The following LRMDA variants were observed in gnomAD, a reference collection of about 807,000 sequenced individuals.
LRMDA encodes the protein leucine-rich melanocyte differentiation-associated protein.
Under a neutral mutation model 29.8 loss-of-function variants are expected in LRMDA, and 18 were observed. That is an observed-to-expected ratio of 0.60 (90% confidence interval 0.42 to 0.90). The LOEUF is 0.90. Among genes scored for constraint, LRMDA ranks in the 40% least tolerant of loss-of-function variants. LRMDA has a pLI of 0.00. For missense variants in LRMDA, 273 were observed against 273.9 expected (o/e 1.00, Z 0.02); for synonymous variants, 125 against 109.4 (o/e 1.14, Z -0.89).
chr10:75,526,011 CT>C (rs1210995614), intron 2 of LRMDA, among the ~76,000 whole-genome samples: 8 of 151,692 alleles, frequency 5.3e-5, no homozygotes, highest in South Asian at 4.2e-4. Context: ...TCTATCACCC[CT>C]GGTAAATATT....
intron 6 of LRMDA, among the ~76,000 whole-genome samples, chr10:76,548,427 C>T (rs1589233417): frequency 6.9e-6 from 1 of 145,822 alleles, no homozygotes; most frequent in African/African-American, 2.6e-5. Context: ...AAAACTGTTT[C>T]AGGCTTCATC....
intron 5 of LRMDA, among the ~76,000 whole-genome samples, chr10:76,128,776 C>A (rs561800063): frequency 6.6e-6 from 1 of 152,288 alleles, no homozygotes; most frequent in African/African-American, 2.4e-5. Flanking sequence ...TGACACAATT[C>A]CCCACTGTCT....
At chr10:75,867,413 G>C (rs544481479) in intron 2 of LRMDA, among the ~76,000 whole-genome samples, 1 of 152,156 alleles carries the variant, frequency 6.6e-6, no homozygotes, top group East Asian at 1.9e-4. Context: ...TGCCCGCCTC[G>C]GCCTCCCAAA....
intron 5 of LRMDA, among the ~76,000 whole-genome samples, chr10:76,191,983 C>T (rs1851255422): frequency 6.6e-6 from 1 of 152,124 alleles, no homozygotes; most frequent in African/African-American, 2.4e-5. Flanking sequence ...GCCAAGACAG[C>T]AGAATAACAA....
At chr10:76,516,343 ATTATT>A (rs1843061133) in intron 6 of LRMDA, among the ~76,000 whole-genome samples, 1 of 127,436 alleles carries the variant, frequency 7.8e-6, no homozygotes, top group African/African-American at 2.6e-5. Flanking sequence ...TTTTTTTAAA[ATTATT>A]TTATTATTAT....
intron 5 of LRMDA, among the ~76,000 whole-genome samples, chr10:76,115,601 G>T (rs1282212366): frequency 6.6e-6 from 1 of 152,204 alleles, no homozygotes; most frequent in Non-Finnish European, 1.5e-5. Context: ...AAGTTTGAGT[G>T]AGCCCAGGAT....
intron 6 of LRMDA, among the ~76,000 whole-genome samples, chr10:76,419,866 T>G (rs1842055348): frequency 6.6e-6 from 1 of 152,110 alleles, no homozygotes. Context: ...CCCAGTCTTT[T>G]AAACATTAAA....
intron 5 of LRMDA, among the ~76,000 whole-genome samples, chr10:76,315,966 A>G (rs971135028): frequency 6.6e-6 from 1 of 152,140 alleles, no homozygotes; most frequent in Admixed American, 6.5e-5. Context: ...TCTGAGAGCT[A>G]TTCTGTTGCT....
intron 6 of LRMDA, among the ~76,000 whole-genome samples, chr10:76,363,184 G>GAA (rs1564520684): frequency 6.5e-4 from 10 of 15,302 alleles, no homozygotes; most frequent in African/African-American, 3.1e-3. Flanking sequence ...AAAGGAGGGA[G>GAA]GGAGGGAGGG....
chr10:76,254,340 C>CTATACTATCCT, intron 5 of LRMDA, among the ~76,000 whole-genome samples: 1 of 90,148 alleles, frequency 1.1e-5, no homozygotes, highest in African/African-American at 3.4e-5. Context: ...CATACCATAC[C>CTATACTATCCT]ATCCTATCCT....
chr10:75,482,081 C>T (rs1056863358), intron 2 of LRMDA, among the ~76,000 whole-genome samples: 9 of 152,326 alleles, frequency 5.9e-5, no homozygotes, highest in Admixed American at 3.9e-4. Flanking sequence ...CTCCCTGTAT[C>T]TGTGCCCTTT....
chr10:75,799,643 TA>T (rs553425597), intron 2 of LRMDA, among the ~76,000 whole-genome samples: 45 of 151,750 alleles, frequency 3.0e-4, no homozygotes, highest in African/African-American at 1.1e-3. Flanking sequence ...GCCTCCCAAG[TA>T]GCTGAGATCA....
intron 5 of LRMDA, among the ~76,000 whole-genome samples, chr10:76,106,260 C>T (rs1034172819): frequency 6.6e-6 from 1 of 152,184 alleles, no homozygotes; most frequent in African/African-American, 2.4e-5. Flanking sequence ...AAGCAGTGTT[C>T]CAGTTTGGGG....
At chr10:76,227,130 GT>G (rs1170794581) in intron 5 of LRMDA, among the ~76,000 whole-genome samples, 1 of 152,168 alleles carries the variant, frequency 6.6e-6, no homozygotes, top group Non-Finnish European at 1.5e-5. Flanking sequence ...GCAGGAGTTG[GT>G]TATGTTCTAT....
intron 6 of LRMDA, among the ~76,000 whole-genome samples, chr10:76,460,830 C>A (rs1482576127): frequency 6.6e-6 from 1 of 152,164 alleles, no homozygotes; most frequent in Non-Finnish European, 1.5e-5. Context: ...CTTTCTCTCT[C>A]CTCTTCCCTC....
chr10:75,929,832 G>A (rs539621587), intron 2 of LRMDA, among the ~76,000 whole-genome samples: 1 of 152,292 alleles, frequency 6.6e-6, no homozygotes, highest in Non-Finnish European at 1.5e-5. Context: ...TCAGGAGTTT[G>A]TTCAGGATTT....
chr10:76,319,364 T>C (rs887348219), intron 5 of LRMDA, among the ~76,000 whole-genome samples: 13 of 152,254 alleles, frequency 8.5e-5, no homozygotes, highest in Non-Finnish European at 1.9e-4. Flanking sequence ...CAAAGCTCTC[T>C]GTTAGTATGA....
At chr10:76,399,928 T>G (rs563869347) in intron 6 of LRMDA, among the ~76,000 whole-genome samples, 20 of 152,316 alleles carry the variant, frequency 1.3e-4, no homozygotes, top group Non-Finnish European at 1.5e-5. Context: ...TGGCAGCAGC[T>G]TCTAAGATGG....
intron 2 of LRMDA, among the ~76,000 whole-genome samples, chr10:75,585,968 C>T (rs1840650627): frequency 6.6e-6 from 1 of 152,112 alleles, no homozygotes; most frequent in Admixed American, 6.5e-5. Context: ...GCATAATGTC[C>T]TCAAGGTTCA....
Sources: allele counts gnomAD v4.1 joint callset (sites outside exome capture counted in the v4.1 genomes callset), GRCh38; gene constraint gnomAD v4.1.1; transcripts MANE v1.5; gene names NCBI Gene and HGNC (gene_info 2026-07-23, HGNC 2026-07-21).